The following IGFL4 variants were observed in gnomAD, a reference collection of about 807,000 sequenced individuals.
IGFL4 encodes IGF like family member 4, also known as insulin growth factor-like family member 4.
A neutral mutation model predicts 15.4 loss-of-function variants in IGFL4; 12 were observed. The observed-to-expected ratio is 0.78, with a 90% confidence interval of 0.50 to 1.26. The LOEUF (loss-of-function observed/expected upper bound fraction) is 1.26. Among genes scored for constraint, IGFL4 ranks in the 50% most tolerant of loss-of-function variants. The probability of loss-of-function intolerance (pLI) is 0.00; values close to 1 mark genes in which losing one functional copy is unlikely to be tolerated. For missense variants in IGFL4, 126 were observed against 147.8 expected (o/e 0.85, Z 0.76); for synonymous variants, 54 against 55.9 (o/e 0.97, Z 0.16).
At position 46,040,232 on chromosome 19, in the gene IGFL4, C is replaced by T; in HGVS notation, c.255G>A (p.Gln85=). The T allele has an allele frequency of 1.2e-6, 2 of 1,614,164 alleles. No homozygotes were observed. The highest frequency in any genetic ancestry group is 1.7e-6 in the Non-Finnish European group (2 of 1,179,988). The change falls in exon 3 of 4, where the codon CAG becomes CAA. Residue 85 remains glutamine (Q), a synonymous_variant. Coordinates refer to ENST00000377697, the MANE Select transcript of IGFL4 (RefSeq NM_001002923.3). The surrounding 1 kb of genome is among the most constrained non-coding windows in gnomAD (Gnocchi z 4.1). ...CTGGGACCTTGAACCTCACAACTGTCTGGTTCTGAGAGCCCAAAGACTCCA... is the reference window on the plus strand; with the variant it reads ...CTGGGACCTTGAACCTCACAACTGTTTGGTTCTGAGAGCCCAAAGACTCCA... ...CCLESLGSQN[Q]TVVRFKVPGM...
At chr19:46,047,619 A>C (rs183382366) in intron 2 of IGFL4, among the ~76,000 whole-genome samples, 9 of 152,298 alleles carry the variant, frequency 5.9e-5, no homozygotes, top group African/African-American at 2.2e-4. Context: ...AAATATAAAC[A>C]AACATCACAG....
rs141768692 is a variant in IGFL4 at position 46,052,282 on chromosome 19, T to G, written c.-323+7903A>C. 6.1e-3 allele frequency among the ~76,000 whole-genome samples: 926 copies of G among 152,202 alleles called. 13 individuals carry two copies. Among genetic ancestry groups the G allele is most frequent in the African/African-American group, 0.022 (893 of 41,522 alleles). On this transcript the variant is annotated intron_variant, in intron 2 of 5. Transcript: ENST00000601672. ...TCAATAAATTTAAAAAAATCAAAATTATATCAAATACTCTCTCAGACCACA... is the reference window on the plus strand; with the variant it reads ...TCAATAAATTTAAAAAAATCAAAATGATATCAAATACTCTCTCAGACCACA...
At chr19:46,064,771 A>C (rs557785379) in intron 1 of IGFL4, among the ~76,000 whole-genome samples, 1 of 152,340 alleles carries the variant, frequency 6.6e-6, no homozygotes, top group Admixed American at 6.5e-5. Context: ...AAGTGCAGGT[A>C]TCTCTTCAAT....
chr19:46,076,524 C>G (rs914588239), intron 1 of IGFL4, among the ~76,000 whole-genome samples: 18 of 152,034 alleles, frequency 1.2e-4, no homozygotes, highest in African/African-American at 4.3e-4. Flanking sequence ...TCTCCAAGGA[C>G]TGTGCAGTCC....
intron 1 of IGFL4, among the ~76,000 whole-genome samples, chr19:46,063,409 G>A (rs1182259775): frequency 1.3e-5 from 2 of 151,560 alleles, no homozygotes; most frequent in Non-Finnish European, 2.9e-5. Context: ...CACTAACTCA[G>A]TTCAAAGAGC....
intron 1 of IGFL4, chr19:46,062,612 T>G (rs1417843270): frequency 6.6e-6 from 1 of 152,046 alleles, no homozygotes; most frequent in Non-Finnish European, 1.5e-5. Flanking sequence ...CAACATGTGG[T>G]CTCTGGGCAA....
intron 1 of IGFL4, among the ~76,000 whole-genome samples, chr19:46,066,841 G>C (rs970905310): frequency 6.6e-6 from 1 of 152,224 alleles, no homozygotes; most frequent in African/African-American, 2.4e-5. Flanking sequence ...ATGAGATTTG[G>C]AGAGGACATT....
upstream of IGFL4, among the ~76,000 whole-genome samples, chr19:46,041,837 C>CTT (rs11334515): frequency 3.9e-3 from 424 of 109,848 alleles, 18 homozygotes; most frequent in African/African-American, 0.013. Flanking sequence ...TCCTCTCTCT[C>CTT]TTTTTTTTTT....
At chr19:46,054,204 T>C (rs1969372856) in intron 2 of IGFL4, among the ~76,000 whole-genome samples, 1 of 152,242 alleles carries the variant, frequency 6.6e-6, no homozygotes, top group Non-Finnish European at 1.5e-5. Context: ...CTGAAGCATT[T>C]TCCCTGTTTT....
intron 2 of IGFL4, among the ~76,000 whole-genome samples, chr19:46,050,989 A>G (rs1398159432): frequency 6.6e-6 from 1 of 152,208 alleles, no homozygotes; most frequent in African/African-American, 2.4e-5. Flanking sequence ...AAACCCTACA[A>G]ATTAGAAGGG....
At chr19:46,075,993 A>C (rs757570441) in intron 1 of IGFL4, among the ~76,000 whole-genome samples, 6 of 152,208 alleles carry the variant, frequency 3.9e-5, no homozygotes, top group Non-Finnish European at 8.8e-5. Flanking sequence ...ACAAAAATTT[A>C]TCTCTCACAG....
chr19:46,063,093 G>A (rs535167659), intron 1 of IGFL4, among the ~76,000 whole-genome samples: 3 of 152,064 alleles, frequency 2.0e-5, no homozygotes, highest in Non-Finnish European at 4.4e-5. Flanking sequence ...ACCCAAGTTC[G>A]GTCAAGCGTC....
At chr19:46,076,009 G>A (rs1969591921) in intron 1 of IGFL4, among the ~76,000 whole-genome samples, 2 of 152,004 alleles carry the variant, frequency 1.3e-5, no homozygotes, top group African/African-American at 2.4e-5. Flanking sequence ...CACAGTTTCC[G>A]GAAGTTTGAA....
chr19:46,076,405 G>C (rs1009768183), intron 1 of IGFL4, among the ~76,000 whole-genome samples: 4 of 151,862 alleles, frequency 2.6e-5, no homozygotes, highest in Non-Finnish European at 5.9e-5. Flanking sequence ...ATCAATGTGG[G>C]GTTATATCAT....
intron 1 of IGFL4, among the ~76,000 whole-genome samples, chr19:46,072,141 C>T (rs1331562484): frequency 2.6e-5 from 4 of 152,204 alleles, no homozygotes; most frequent in African/African-American, 9.7e-5. Context: ...CAAATGAGGC[C>T]ACTGTTTTCA....
intron 2 of IGFL4, among the ~76,000 whole-genome samples, chr19:46,047,150 T>C (rs908626027): frequency 6.6e-6 from 1 of 152,192 alleles, no homozygotes; most frequent in African/African-American, 2.4e-5. Context: ...CCTGAATAAC[T>C]CTTGGGTAAA....
chr19:46,059,781 T>C (rs1203467572), intron 2 of IGFL4: 1 of 152,226 alleles, frequency 6.6e-6, no homozygotes, highest in East Asian at 1.9e-4. Flanking sequence ...AAATTGACTT[T>C]GATGGAACTG....
At chr19:46,049,898 C>A (rs904525609) in intron 2 of IGFL4, among the ~76,000 whole-genome samples, 5 of 152,196 alleles carry the variant, frequency 3.3e-5, no homozygotes, top group Admixed American at 1.3e-4. Context: ...GCCAAGGACC[C>A]TCACAGAGTC....
chr19:46,051,533 A>G (rs573131847), intron 2 of IGFL4, among the ~76,000 whole-genome samples: 47 of 152,306 alleles, frequency 3.1e-4, no homozygotes, highest in African/African-American at 1.1e-3. Flanking sequence ...TGACGGAGTG[A>G]GACTTTGTCT....
Sources: gnomAD v4.1 joint callset for allele counts (sites outside exome capture counted in the v4.1 genomes callset) on GRCh38, gnomAD v4.1.1 for gene constraint, Gnocchi (gnomAD v3.1) non-coding constraint, MANE v1.5 for transcripts, NCBI Gene and HGNC (gene_info 2026-07-23, HGNC 2026-07-21) for gene names.